Variants in ADAMTS16 observed in about 807,000 individuals in gnomAD.
ADAMTS16 encodes ADAM metallopeptidase with thrombospondin type 1 motif 16.
Under a neutral mutation model 145.8 loss-of-function variants are expected in ADAMTS16, and 94 were observed. The ratio of observed to expected loss-of-function variants is 0.64; its 90% CI spans 0.55 to 0.77. ADAMTS16 has a LOEUF of 0.77. ADAMTS16 is among the 30% of genes least tolerant of loss of function. ADAMTS16 has a pLI of 0.00. For missense variants in ADAMTS16, 1,585 were observed against 1,591.5 expected, an observed-to-expected ratio of 1.00 and a Z score of 0.07; for synonymous variants, 659 against 604.3, an observed-to-expected ratio of 1.09 and a Z score of -1.33.
chr5:5,242,126 C>T lies in ADAMTS16; in HGVS notation c.2597C>T (p.Pro866Leu), dbSNP rs376759527. The T allele has an allele frequency of 1.9e-6, 3 of 1,614,048 alleles. No individual in the cohort carries two copies. Among genetic ancestry groups the T allele is most frequent in the East Asian group, 2.2e-5 (1 of 44,876 alleles). ...CCTCGCTTGGGGACCGAGAAGCAGC[C>T]CCCTGCCCAGCCCAGCTACACTTGG... ...SMPRLGTEKQ[P>L]PAQPSYTWAI... The change falls in exon 17 of 23, where the codon CCC (proline) becomes CTC (leucine). Residue 866 changes from proline to leucine, a missense_variant. Physicochemically the swap from Pro to Leu is moderately conservative, Grantham distance 98. Coordinates refer to ENST00000274181, the MANE Select transcript of ADAMTS16 (RefSeq NM_139056.4).
At chr5:5,241,855 T>A (rs2081850) in intron 16 of ADAMTS16, among the ~76,000 whole-genome samples, 198 bp from the exon 17 acceptor site, 24,001 of 150,844 alleles carry the variant, frequency 0.16, 2,045 homozygotes, top group Middle Eastern at 0.21. Flanking sequence ...GTCTAGACAT[T>A]TTTTTAGATG....
chr5:5,151,442 G>A (rs191215895), intron 3 of ADAMTS16, among the ~76,000 whole-genome samples: 1 of 152,044 alleles, frequency 6.6e-6, no homozygotes, highest in Admixed American at 6.6e-5. Context: ...GTTTCACCAT[G>A]TTGGCCAGGC....
At chr5:5,234,929 G>T in intron 12 of ADAMTS16, 85 bp from the exon 13 acceptor site, 1 of 1,193,072 alleles carries the variant, frequency 8.4e-7, no homozygotes, top group Non-Finnish European at 1.1e-6. Context: ...AACACTCTTA[G>T]CTTCATCTCT....
At position 5,303,622 on chromosome 5, in the gene ADAMTS16, G is replaced by T; in HGVS notation, c.3042G>T (p.Lys1014Asn). 1 of 1,614,156 alleles carries T rather than the reference G, an allele frequency of 6.2e-7. No homozygotes were observed. Among genetic ancestry groups the T allele is most frequent in the Non-Finnish European group, 8.5e-7 (1 of 1,180,022 alleles). Residue 1014 changes from lysine (K) to asparagine (N), a missense_variant, in exon 20 of 23, where the codon AAG (lysine) becomes AAT (asparagine). Transcript: ENST00000274181. Reference sequence around the variant, plus strand: ...GGAGGAAGCGGGCAGTGGCCTGTAAGAGCACCAACCCCTCGGCCAGAGCGC... The same window carrying T: ...GGAGGAAGCGGGCAGTGGCCTGTAATAGCACCAACCCCTCGGCCAGAGCGC... ...KGWRKRAVAC[K>N]STNPSARAQL...
chr5:5,281,186 C>T (rs955947731), intron 18 of ADAMTS16, among the ~76,000 whole-genome samples: 5 of 152,182 alleles, frequency 3.3e-5, no homozygotes, highest in South Asian at 2.1e-4. Context: ...CTCTTCTAAT[C>T]GCAAGTTCCT....
chr5:5,275,537 T>A (rs1052274863), intron 18 of ADAMTS16, among the ~76,000 whole-genome samples: 1 of 152,116 alleles, frequency 6.6e-6, no homozygotes, highest in Non-Finnish European at 1.5e-5. Context: ...CACATTATGA[T>A]TGATTGTTTT....
At chr5:5,176,678 A>T (rs905542345) in intron 3 of ADAMTS16, among the ~76,000 whole-genome samples, 3 of 152,210 alleles carry the variant, frequency 2.0e-5, no homozygotes, top group African/African-American at 7.2e-5. Context: ...GTAAATCCAC[A>T]GTCAATGATA....
intron 5 of ADAMTS16, among the ~76,000 whole-genome samples, chr5:5,186,866 G>T (rs1560939917): frequency 6.6e-6 from 1 of 152,280 alleles, no homozygotes; most frequent in South Asian, 2.1e-4. Flanking sequence ...GTGTTTTTAA[G>T]AATAGTTTTA....
At chr5:5,154,613 C>T (rs1734558377) in intron 3 of ADAMTS16, among the ~76,000 whole-genome samples, 1 of 152,032 alleles carries the variant, frequency 6.6e-6, no homozygotes, top group Non-Finnish European at 1.5e-5. Flanking sequence ...AACTGAGATC[C>T]AAGTGGAGTG....
At chr5:5,189,865 C>T (rs72647746) in intron 6 of ADAMTS16, 106 bp from the exon 7 acceptor site, 183,244 of 1,379,568 alleles carry the variant, frequency 0.13, 13,251 homozygotes, top group Middle Eastern at 0.19. Context: ...CAGATCCAGC[C>T]ATGTATTTGA....
chr5:5,285,154 A>T (rs189184187), intron 18 of ADAMTS16, among the ~76,000 whole-genome samples: 189 of 152,304 alleles, frequency 1.2e-3, no homozygotes, highest in South Asian at 4.6e-3. Flanking sequence ...TGTTTTTTTA[A>T]AAAAAATAAA....
intron 10 of ADAMTS16, among the ~76,000 whole-genome samples, chr5:5,215,870 G>GTATATATATATATATA (rs55703329): frequency 9.8e-6 from 1 of 101,640 alleles, no homozygotes; most frequent in Non-Finnish European, 1.8e-5. Flanking sequence ...GTGTGTATGT[G>GTATATATATATATATA]TATATATATA....
intron 17 of ADAMTS16, among the ~76,000 whole-genome samples, chr5:5,256,546 T>C (rs1299865588): frequency 6.6e-6 from 1 of 152,166 alleles, no homozygotes. Flanking sequence ...TTCTGGGACT[T>C]GGACTTGGGA....
At chr5:5,263,813 G>T (rs1026882172) in intron 18 of ADAMTS16, among the ~76,000 whole-genome samples, 1 of 152,198 alleles carries the variant, frequency 6.6e-6, no homozygotes, top group Non-Finnish European at 1.5e-5. Flanking sequence ...GGGGGCAGCT[G>T]CCCTCCACCA....
chr5:5,261,328 G>C (rs773004844), intron 17 of ADAMTS16, among the ~76,000 whole-genome samples: 4 of 151,962 alleles, frequency 2.6e-5, no homozygotes, highest in Non-Finnish European at 5.9e-5. Context: ...TGTAGAGATG[G>C]GGTTTCGCCA....
intron 18 of ADAMTS16, among the ~76,000 whole-genome samples, chr5:5,264,505 G>T (rs779800048): frequency 3.3e-5 from 5 of 152,134 alleles, no homozygotes; most frequent in Admixed American, 2.6e-4. Flanking sequence ...TACTCTCCCC[G>T]AGGCAATAAA....
At chr5:5,148,549 A>T (rs1382183301) in intron 3 of ADAMTS16, among the ~76,000 whole-genome samples, 1 of 152,190 alleles carries the variant, frequency 6.6e-6, no homozygotes, top group Non-Finnish European at 1.5e-5. Context: ...ACTGGTACAT[A>T]GTTTTTCACC....
chr5:5,193,138 A>AGTGTGT (rs146798284), intron 8 of ADAMTS16, among the ~76,000 whole-genome samples: 3,856 of 150,612 alleles, frequency 0.026, 183 homozygotes, highest in African/African-American at 0.089. Flanking sequence ...TGTTCAAAGC[A>AGTGTGT]GTGTGTGTGT....
At chr5:5,271,240 C>T (rs1738462265) in intron 18 of ADAMTS16, among the ~76,000 whole-genome samples, 1 of 152,236 alleles carries the variant, frequency 6.6e-6, no homozygotes, top group Non-Finnish European at 1.5e-5. Context: ...CTGCAGGGGG[C>T]AGGGTGTTGG....
Sources: gnomAD v4.1 joint callset for allele counts (sites outside exome capture counted in the v4.1 genomes callset) on GRCh38, gnomAD v4.1.1 for gene constraint, MANE v1.5 for transcripts, NCBI Gene and HGNC (gene_info 2026-07-23, HGNC 2026-07-21) for gene names.